The following SAMTOR variants were observed in gnomAD, a reference collection of about 807,000 sequenced individuals.
SAMTOR encodes the protein UPF0532 protein C7orf60.
At chr7:112,847,851 G>A in the SAMTOR span, among the ~76,000 whole-genome samples, 1 of 151,610 alleles carries the variant, frequency 6.6e-6, no homozygotes, top group Non-Finnish European at 1.5e-5. Context: ...AGAAATATGA[G>A]TATAGGCCAG....
chr7:112,936,120 T>A, the SAMTOR span, among the ~76,000 whole-genome samples: 4 of 152,228 alleles, frequency 2.6e-5, no homozygotes, highest in Non-Finnish European at 5.9e-5. Context: ...AAAACACCTA[T>A]ATGTGCAAGC....
the SAMTOR span, among the ~76,000 whole-genome samples, chr7:112,884,128 G>C: frequency 1.3e-5 from 2 of 152,140 alleles, no homozygotes; most frequent in African/African-American, 4.8e-5. Flanking sequence ...ACTATCCTGA[G>C]AACAGCAGCA....
At chr7:112,904,844 C>T in the SAMTOR span, among the ~76,000 whole-genome samples, 1 of 151,904 alleles carries the variant, frequency 6.6e-6, no homozygotes, top group African/African-American at 2.4e-5. Context: ...ACCAGATAAC[C>T]CCTGTATTAA....
At chr7:112,911,437 C>T in the SAMTOR span, among the ~76,000 whole-genome samples, 1 of 152,190 alleles carries the variant, frequency 6.6e-6, no homozygotes, top group South Asian at 2.1e-4. Flanking sequence ...TTCATTCTAG[C>T]TGCCTTTCAG....
the SAMTOR span, among the ~76,000 whole-genome samples, chr7:112,880,801 T>C: frequency 6.6e-6 from 1 of 152,200 alleles, no homozygotes; most frequent in African/African-American, 2.4e-5. Flanking sequence ...TTAAAAACCA[T>C]CACTGAAATA....
At chr7:112,844,287 A>T in the SAMTOR span, among the ~76,000 whole-genome samples, 1 of 152,138 alleles carries the variant, frequency 6.6e-6, no homozygotes, top group African/African-American at 2.4e-5. Flanking sequence ...CAATCGGATA[A>T]GAGAAAGAAA....
the SAMTOR span, chr7:112,819,697 A>C: frequency 6.6e-6 from 1 of 152,554 alleles, no homozygotes; most frequent in African/African-American, 2.4e-5. Flanking sequence ...TTTGGAGCAT[A>C]AGCAGAATCA....
chr7:112,911,849 T>C, the SAMTOR span, among the ~76,000 whole-genome samples: 1 of 151,830 alleles, frequency 6.6e-6, no homozygotes, highest in Non-Finnish European at 1.5e-5. Flanking sequence ...ATAGAATACT[T>C]GAACAACACT....
chr7:112,938,407 A>C, the SAMTOR span, among the ~76,000 whole-genome samples: 1 of 152,236 alleles, frequency 6.6e-6, no homozygotes, highest in Non-Finnish European at 1.5e-5. Context: ...AAAATGAAAC[A>C]TATCAACTAC....
the SAMTOR span, among the ~76,000 whole-genome samples, chr7:112,841,527 T>TCC: frequency 6.6e-6 from 1 of 152,032 alleles, no homozygotes; most frequent in South Asian, 2.1e-4. Context: ...TTTAATGCTA[T>TCC]CCCCATCAAG....
chr7:112,863,758 A>G, the SAMTOR span, among the ~76,000 whole-genome samples: 1 of 152,228 alleles, frequency 6.6e-6, no homozygotes, highest in African/African-American at 2.4e-5. Context: ...ATGTCAAAAA[A>G]TAACAGATGC....
At chr7:112,819,615 A>G in the SAMTOR span, 1 of 152,586 alleles carries the variant, frequency 6.6e-6, no homozygotes, top group African/African-American at 2.4e-5. Flanking sequence ...ATTCAAACAA[A>G]TTTATACTAA....
chr7:112,893,880 C>T, the SAMTOR span, among the ~76,000 whole-genome samples: 4 of 152,178 alleles, frequency 2.6e-5, no homozygotes, highest in East Asian at 3.9e-4. Context: ...CCAGCCTGGG[C>T]GACAGAGCGA....
At chr7:112,826,120 T>C in the SAMTOR span, among the ~76,000 whole-genome samples, 176 of 152,278 alleles carry the variant, frequency 1.2e-3, no homozygotes, top group African/African-American at 4.1e-3. Context: ...ATAAGGGATA[T>C]GGATCTGTAG....
the SAMTOR span, chr7:112,915,238 G>GT: frequency 7.7e-6 from 11 of 1,436,720 alleles, no homozygotes; most frequent in Non-Finnish European, 1.0e-5. Flanking sequence ...CTCCGTCTCA[G>GT]GAAAAAAAAA....
chr7:112,924,940 A>T, the SAMTOR span, among the ~76,000 whole-genome samples: 1 of 152,180 alleles, frequency 6.6e-6, no homozygotes. Context: ...GAAAAAGAAA[A>T]AAGGGTGAAG....
chr7:112,890,163 G>C, the SAMTOR span, among the ~76,000 whole-genome samples: 1 of 152,162 alleles, frequency 6.6e-6, no homozygotes, highest in Admixed American at 6.5e-5. Flanking sequence ...AGAGGGCCTA[G>C]AAGAAAGTAA....
the SAMTOR span, among the ~76,000 whole-genome samples, chr7:112,927,545 T>C: frequency 2.9e-4 from 44 of 151,982 alleles, no homozygotes; most frequent in Non-Finnish European, 4.9e-4. Context: ...ACCAATTTCT[T>C]ATAGGCATTC....
At chr7:112,855,597 C>T in the SAMTOR span, among the ~76,000 whole-genome samples, 1 of 152,060 alleles carries the variant, frequency 6.6e-6, no homozygotes, top group Admixed American at 6.5e-5. Context: ...CTGGAGGCCA[C>T]CCATATTTCT....
Sources: allele counts gnomAD v4.1 joint callset (sites outside exome capture counted in the v4.1 genomes callset), GRCh38; gene constraint gnomAD v4.1.1; transcripts MANE v1.5; gene names NCBI Gene and HGNC (gene_info 2026-07-23, HGNC 2026-07-21).